Variants in MEGF11 observed in about 807,000 individuals in gnomAD.
The protein encoded by MEGF11 is multiple EGF like domains 11.
Under a neutral mutation model 146.6 loss-of-function variants are expected in MEGF11, and 126 were observed. That is an observed-to-expected ratio of 0.86 (90% confidence interval 0.74 to 1.00). The LOEUF (loss-of-function observed/expected upper bound fraction) is 1.00, where lower values mean the gene tolerates loss of function less well. MEGF11 is among the 50% of genes least tolerant of loss of function. The probability of loss-of-function intolerance (pLI) is 0.00; values close to 1 mark genes in which losing one functional copy is unlikely to be tolerated. For missense variants in MEGF11, 1,509 were observed against 1,521.2 expected, an observed-to-expected ratio of 0.99 and a Z score of 0.13; for synonymous variants, 532 against 583.4, an observed-to-expected ratio of 0.91 and a Z score of 1.27.
At chr15:65,973,163 T>C (rs1417985386) in intron 7 of MEGF11, among the ~76,000 whole-genome samples, 2 of 149,872 alleles carry the variant, frequency 1.3e-5, no homozygotes, top group East Asian at 3.9e-4. Flanking sequence ...AAGGCATGAA[T>C]TCCAGGAACT....
intron 1 of MEGF11, among the ~76,000 whole-genome samples, chr15:66,177,204 T>G (rs1252516363): frequency 6.6e-6 from 1 of 151,992 alleles, no homozygotes; most frequent in East Asian, 1.9e-4. Flanking sequence ...CCACAAGGAG[T>G]TAAAAGCCAA....
intron 5 of MEGF11, among the ~76,000 whole-genome samples, chr15:66,005,503 T>C (rs1187693947): frequency 6.6e-6 from 1 of 152,206 alleles, no homozygotes; most frequent in Non-Finnish European, 1.5e-5. Context: ...AGTGGAACGA[T>C]CTCTCAAGGT....
At chr15:66,004,949 T>G (rs544021075) in intron 5 of MEGF11, among the ~76,000 whole-genome samples, 2 of 152,264 alleles carry the variant, frequency 1.3e-5, no homozygotes, top group East Asian at 3.9e-4. Context: ...AAGCCAGGCA[T>G]GGTGGCACAT....
intron 16 of MEGF11, among the ~76,000 whole-genome samples, chr15:65,917,215 G>C (rs112590305): frequency 0.058 from 8,807 of 152,196 alleles, 364 homozygotes; most frequent in Non-Finnish European, 0.087. Context: ...GACTCTGAGG[G>C]CCCCCGAGCC....
intron 4 of MEGF11, among the ~76,000 whole-genome samples, chr15:66,107,547 C>G (rs575493552): frequency 1.3e-5 from 2 of 152,214 alleles, no homozygotes; most frequent in Non-Finnish European, 2.9e-5. Flanking sequence ...CGACAGTAAG[C>G]TCAGTCCCCA....
At chr15:66,191,053 A>G (rs147866041) in intron 1 of MEGF11, among the ~76,000 whole-genome samples, 196 of 152,308 alleles carry the variant, frequency 1.3e-3, no homozygotes, top group African/African-American at 4.5e-3. Context: ...CTGGACTTCC[A>G]GGGATGGAAG....
At chr15:66,169,606 G>C (rs923319070) in intron 1 of MEGF11, among the ~76,000 whole-genome samples, 1 of 152,242 alleles carries the variant, frequency 6.6e-6, no homozygotes, top group Non-Finnish European at 1.5e-5. Context: ...CTGTCTCAGC[G>C]AGCACTGACA....
chr15:65,938,122 G>A (rs1021992068), intron 10 of MEGF11, among the ~76,000 whole-genome samples: 8 of 152,200 alleles, frequency 5.3e-5, no homozygotes, highest in South Asian at 2.1e-4. Context: ...GCATGGCCTC[G>A]GCCTGGTCAC....
intron 1 of MEGF11, among the ~76,000 whole-genome samples, chr15:66,153,241 C>G (rs1486331890): frequency 1.3e-5 from 2 of 152,172 alleles, no homozygotes; most frequent in Non-Finnish European, 2.9e-5. Flanking sequence ...GGTCCCATCT[C>G]AAGGCAAGCT....
At chr15:66,109,666 GCTCCATCT>G (rs1333218778) in intron 4 of MEGF11, among the ~76,000 whole-genome samples, 1 of 152,200 alleles carries the variant, frequency 6.6e-6, no homozygotes, top group Non-Finnish European at 1.5e-5. Context: ...GAGGTCTGAA[GCTCCATCT>G]TACCCACTGC....
At chr15:65,974,285 C>T (rs1022259809) in intron 7 of MEGF11, among the ~76,000 whole-genome samples, 3 of 142,080 alleles carry the variant, frequency 2.1e-5, no homozygotes, top group South Asian at 2.4e-4. Context: ...GGGGCTGAGG[C>T]GGGGAGGGGA....
intron 1 of MEGF11, among the ~76,000 whole-genome samples, chr15:66,181,640 G>A (rs1197144429): frequency 6.6e-6 from 1 of 152,114 alleles, no homozygotes; most frequent in Non-Finnish European, 1.5e-5. Context: ...CACTTTCTCT[G>A]TTCTCATTTT....
intron 5 of MEGF11, among the ~76,000 whole-genome samples, chr15:66,043,888 C>T (rs1479961272): frequency 1.3e-5 from 2 of 152,228 alleles, no homozygotes; most frequent in African/African-American, 4.8e-5. Flanking sequence ...AGCACGATGC[C>T]TGGGCAAGGG....
intron 5 of MEGF11, among the ~76,000 whole-genome samples, chr15:66,023,474 G>A (rs948848588): frequency 6.6e-6 from 1 of 152,256 alleles, no homozygotes; most frequent in African/African-American, 2.4e-5. Flanking sequence ...GGGTGGTCAG[G>A]TGTGAGGACG....
In MEGF11 at chr15:65,915,488, C is replaced by G. The variant is rs1424470961; in HGVS notation, c.2455G>C (p.Gly819Arg). ...GTCYCSPGFK[G>R]IRCDQAALMM... is the part of the protein sequence containing the mutation. Reference sequence around the variant, plus strand: ...GTATTACCTTGGTCACACCTGATTCCTTTGAAGCCAGGGCTGCAGTAACAG... The same window carrying G: ...GTATTACCTTGGTCACACCTGATTCGTTTGAAGCCAGGGCTGCAGTAACAG... The change falls in exon 19 of 26, where the codon GGA (glycine) becomes CGA (arginine). Residue 819 changes from glycine (G) to arginine (R), a missense_variant. Physicochemically the swap from Gly to Arg is moderately radical, Grantham distance 125 (BLOSUM62 -2). Coordinates refer to ENST00000395614, the MANE Select transcript of MEGF11 (RefSeq NM_001385028.1). The G allele has an allele frequency of 6.2e-7, 1 of 1,613,974 alleles. No individual in the cohort carries two copies.
At chr15:66,160,210 A>G (rs973011301) in intron 1 of MEGF11, among the ~76,000 whole-genome samples, 2 of 151,370 alleles carry the variant, frequency 1.3e-5, no homozygotes, top group Admixed American at 6.6e-5. Flanking sequence ...TTTGTTTCCT[A>G]AACAAAAGGA....
chr15:66,215,204 A>C (rs910365218), intron 1 of MEGF11, among the ~76,000 whole-genome samples: 3 of 152,134 alleles, frequency 2.0e-5, no homozygotes, highest in Non-Finnish European at 2.9e-5. Context: ...CTATCCCAGC[A>C]TCTTTACCTT....
intron 1 of MEGF11, 91 bp downstream of exon 1, chr15:66,253,514 C>G (rs2092405839): frequency 6.6e-6 from 1 of 152,168 alleles, no homozygotes; most frequent in Non-Finnish European, 1.5e-5. Context: ...TCAAAGTCCC[C>G]TCCCCAGGGC....
At chr15:66,054,963 T>A (rs1223935556) in intron 5 of MEGF11, among the ~76,000 whole-genome samples, 1 of 152,186 alleles carries the variant, frequency 6.6e-6, no homozygotes. Context: ...AAGAGGCTAT[T>A]CTCTAGAAGC....
Sources: gnomAD v4.1 joint callset for allele counts (sites outside exome capture counted in the v4.1 genomes callset) on GRCh38, gnomAD v4.1.1 for gene constraint, MANE v1.5 for transcripts, NCBI Gene and HGNC (gene_info 2026-07-23, HGNC 2026-07-21) for gene names.